The following IGSF5 variants were observed in gnomAD, a reference collection of about 807,000 sequenced individuals.
IGSF5 encodes immunoglobulin superfamily 5 like.
A neutral mutation model predicts 39.4 loss-of-function variants in IGSF5; 41 were observed. The observed-to-expected ratio is 1.04, with a 90% confidence interval of 0.81 to 1.35. The LOEUF is 1.35. IGSF5 is among the 40% of genes most tolerant of loss of function. IGSF5 has a pLI of 0.00. For synonymous variants in IGSF5, 183 were observed against 175.3 expected, an observed-to-expected ratio of 1.04 and a Z score of -0.34; for missense variants, 487 against 494.6, an observed-to-expected ratio of 0.98 and a Z score of 0.15.
chr21:39,796,531 G>T lies in IGSF5; in HGVS notation c.1128+2918G>T, dbSNP rs373596082. Reference sequence around the variant, plus strand: ...ACAGCTGAGAGCTATTCAGAGTCCCGTCTCAGTTTTCCTTTCATCCTCCTC... The same window carrying T: ...ACAGCTGAGAGCTATTCAGAGTCCCTTCTCAGTTTTCCTTTCATCCTCCTC... On this transcript the variant is annotated intron_variant, in intron 8 of 8. Transcript: ENST00000380588. Among the ~76,000 whole-genome samples, 5 of 152,294 alleles carry T rather than the reference G, an allele frequency of 3.3e-5. No homozygotes were observed. The South Asian group carries it at 8.3e-4, about 25-fold the overall frequency.
At chr21:39,774,804 C>G (rs1043507681) in intron 4 of IGSF5, among the ~76,000 whole-genome samples, 6 of 152,212 alleles carry the variant, frequency 3.9e-5, no homozygotes, top group African/African-American at 1.4e-4. Flanking sequence ...TATAACCTTA[C>G]TGTTTTGAGA....
chr21:39,792,131 T>G, intron 7 of IGSF5, 32 bp downstream of exon 7: 2 of 1,462,478 alleles, frequency 1.4e-6, no homozygotes, highest in Non-Finnish European at 9.5e-7. Context: ...TGAAAAGACC[T>G]GGGAAAGAGA....
rs1049742425 is a variant in IGSF5, at chr21:39,745,349, G to A, written c.-161G>A. ...TAGCCTAGGTGCCTGAGGACGCAGC[G>A]TAGGGCTTCCTTAGATCCCTTTGGA... On this transcript the variant is annotated 5_prime_UTR_variant, in exon 1 of 9. Coordinates refer to ENST00000380588, the MANE Select transcript of IGSF5 (RefSeq NM_001080444.2). 11 of 559,994 alleles carry A rather than the reference G, an allele frequency of 2.0e-5. No individual in the cohort carries two copies. The highest frequency in any genetic ancestry group is 7.6e-5 in the African/African-American group (4 of 52,358). The allele number at this position is 559,994 out of a possible 1,614,324, so 34.7% of individuals were successfully genotyped here.
At chr21:39,736,457 A>G in the IGSF5 span, among the ~76,000 whole-genome samples, 1 of 151,954 alleles carries the variant, frequency 6.6e-6, no homozygotes, top group South Asian at 2.1e-4. Flanking sequence ...AAAACAAAAC[A>G]CACACCTCAA....
chr21:39,791,810 C>G (rs2086966940), intron 6 of IGSF5, 198 bp from the exon 7 acceptor site: 1 of 520,580 alleles, frequency 1.9e-6, no homozygotes, highest in South Asian at 3.2e-5. Context: ...TCATCTCTCC[C>G]CATAATGGGA....
intron 2 of IGSF5, among the ~76,000 whole-genome samples, chr21:39,754,930 G>A (rs190960123): frequency 2.5e-4 from 38 of 152,182 alleles, no homozygotes; most frequent in African/African-American, 9.2e-4. Flanking sequence ...GGTTCCTGGA[G>A]CTCTGAGGGT....
chr21:39,738,265 A>G, the IGSF5 span, among the ~76,000 whole-genome samples: 1 of 152,204 alleles, frequency 6.6e-6, no homozygotes, highest in Non-Finnish European at 1.5e-5. The surrounding 1 kb of genome is among the most constrained non-coding windows in gnomAD (Gnocchi z 6.4). Flanking sequence ...AGAAAGAATG[A>G]GAGAAGTGAA....
intron 6 of IGSF5, among the ~76,000 whole-genome samples, chr21:39,791,108 G>A (rs981054549): frequency 2.0e-5 from 3 of 152,198 alleles, no homozygotes; most frequent in African/African-American, 7.2e-5. Flanking sequence ...AGCTGGGCCA[G>A]AAGGTAGCGT....
chr21:39,765,670 T>C lies in IGSF5; in HGVS notation c.236T>C (p.Leu79Pro). Residue 79 changes from leucine (L) to proline (P), a missense_variant, in exon 3 of 9, where the codon CTA (leucine) becomes CCA (proline). By Grantham distance (98) the Leu-to-Pro change is moderately conservative. Transcript: ENST00000380588. The part of the protein sequence containing the change: ...IMWALSDMVV[L>P]SVRPMEPIIT... The stretch of plus-strand genomic sequence containing the variant: ...TGGGCTCTCAGTGACATGGTGGTGC[T>C]AAGCGTCAGGCCCATGGAGCCCATC... 5 of 1,614,126 alleles carry C rather than the reference T, an allele frequency of 3.1e-6. No individual in the cohort carries two copies. Among genetic ancestry groups the C allele is most frequent in the Non-Finnish European group, 4.2e-6 (5 of 1,180,028 alleles).
intron 2 of IGSF5, 104 bp from the exon 3 acceptor site, chr21:39,765,431 G>T: frequency 9.8e-7 from 1 of 1,020,742 alleles, no homozygotes; most frequent in Non-Finnish European, 1.5e-6. Context: ...TCACTGGATG[G>T]ACAACCTGGG....
rs1250241335 is a variant in IGSF5 at position 39,801,543 on chromosome 21, A to G, written c.*186A>G. ...AATCGATTTTCCCAGAGTTCAAAGT[A>G]GAATGTGACTTTTAAGAGGTTTCAT... On this transcript the variant is annotated 3_prime_UTR_variant, in exon 9 of 9. Coordinates refer to ENST00000380588, the MANE Select transcript of IGSF5 (RefSeq NM_001080444.2). 3 of 460,264 alleles carry G rather than the reference A, an allele frequency of 6.5e-6. No individual in the cohort carries two copies. Among genetic ancestry groups the G allele is most frequent in the African/African-American group, 1.9e-5 (1 of 51,840 alleles). 28.5% of individuals were successfully genotyped at this position (460,264 alleles called of 1,614,324 possible).
At chr21:39,714,931 C>T in the IGSF5 span, among the ~76,000 whole-genome samples, 18 of 152,166 alleles carry the variant, frequency 1.2e-4, no homozygotes, top group African/African-American at 4.3e-4. Context: ...CAAGTGTGCC[C>T]ACCCCAATTA....
Position 39,754,831 on chromosome 21 carries a change from G to A in IGSF5, c.100+8533G>A, listed in dbSNP as rs550663014. 2.5e-4 allele frequency among the ~76,000 whole-genome samples: 38 copies of A among 152,270 alleles called. No homozygotes were observed. The South Asian group carries it at 7.7e-3, about 31-fold the overall frequency. ...AGCTTGTCTGATTTCAGTTAAACTT[G>A]AAATCAGCTTTATGACAGTGTTCCA... is the stretch of plus-strand genomic sequence containing the variant. On this transcript the variant is annotated intron_variant, in intron 2 of 8. Coordinates refer to ENST00000380588, the MANE Select transcript of IGSF5 (RefSeq NM_001080444.2).
intron 2 of IGSF5, among the ~76,000 whole-genome samples, chr21:39,747,158 A>C (rs1051964494): frequency 1.1e-4 from 16 of 152,230 alleles, no homozygotes; most frequent in African/African-American, 3.9e-4. Flanking sequence ...TCACAGCTCC[A>C]TGTGGCTGGG....
At chr21:39,713,239 G>A in the IGSF5 span, among the ~76,000 whole-genome samples, 2 of 152,134 alleles carry the variant, frequency 1.3e-5, no homozygotes, top group East Asian at 3.9e-4. Context: ...AGAGTGTCTC[G>A]GACACCTGCC....
upstream of IGSF5, among the ~76,000 whole-genome samples, chr21:39,743,136 C>T (rs1448795629): frequency 6.6e-6 from 1 of 152,196 alleles, no homozygotes; most frequent in East Asian, 1.9e-4. Flanking sequence ...GAGCAAATGT[C>T]TGCGGCACCA....
intron 4 of IGSF5, among the ~76,000 whole-genome samples, chr21:39,778,563 G>A (rs566665241): frequency 2.0e-5 from 3 of 152,268 alleles, no homozygotes; most frequent in East Asian, 1.9e-4. Context: ...TTTGAGGATC[G>A]GGGAGCTGGA....
the IGSF5 span, among the ~76,000 whole-genome samples, chr21:39,732,904 T>TA: frequency 1.3e-5 from 2 of 152,144 alleles, no homozygotes; most frequent in South Asian, 4.2e-4. Flanking sequence ...CACGTGCCTG[T>TA]AGTCGCAGCT....
At chr21:39,793,250 C>T (rs1359191404) in intron 7 of IGSF5, among the ~76,000 whole-genome samples, 1 of 152,158 alleles carries the variant, frequency 6.6e-6, no homozygotes, top group Non-Finnish European at 1.5e-5. Context: ...CATTTATTTT[C>T]CTTGATCAGC....
Sources: allele counts gnomAD v4.1 joint callset (sites outside exome capture counted in the v4.1 genomes callset), GRCh38; gene constraint gnomAD v4.1.1; non-coding constraint Gnocchi (gnomAD v3.1); transcripts MANE v1.5; gene names NCBI Gene and HGNC (gene_info 2026-07-23, HGNC 2026-07-21).